LRRTM4: variants seen among roughly 807,000 people sequenced by gnomAD.
LRRTM4 encodes leucine-rich repeat transmembrane neuronal protein 4.
Under a neutral mutation model 47.6 loss-of-function variants are expected in LRRTM4, and 25 were observed. The ratio of observed to expected loss-of-function variants is 0.53; its 90% confidence interval spans 0.38 to 0.73. LRRTM4 has a LOEUF of 0.73. Among genes scored for constraint, LRRTM4 ranks in the 30% least tolerant of loss-of-function variants. The pLI is 0.00. For synonymous variants in LRRTM4, 311 were observed against 269.5 expected (o/e 1.15, Z -1.51); for missense variants, 638 against 713.4 (o/e 0.89, Z 1.20).
chr2:77,016,153 CAAG>C (rs1247116410), intron 3 of LRRTM4, among the ~76,000 whole-genome samples: 1 of 151,626 alleles, frequency 6.6e-6, no homozygotes, highest in Non-Finnish European at 1.5e-5. Flanking sequence ...TTTGGGAGGC[CAAG>C]GAGGGCAGAT....
chr2:76,851,558 AGAAATCATG>A (rs146374609), intron 3 of LRRTM4, among the ~76,000 whole-genome samples: 2,453 of 152,222 alleles, frequency 0.016, 98 homozygotes, highest in East Asian at 0.16. Context: ...GCACAGGCTT[AGAAATCATG>A]GAGACTATTC....
At chr2:76,902,669 C>T (rs62170287) in intron 3 of LRRTM4, among the ~76,000 whole-genome samples, 21,978 of 152,156 alleles carry the variant, frequency 0.14, 2,007 homozygotes, top group Admixed American at 0.22. Context: ...GTATTGTGTA[C>T]ATTAGTAAAT....
At position 77,167,206 on chromosome 2, in the gene LRRTM4, C is replaced by T. The variant is rs150977693; in HGVS notation, c.1551+351112G>A. ...GCTAACAGACTCATGAAAAAATGCT[C>T]ATCATCACCGGCCATCAGACAAATG... On this transcript the variant is annotated intron_variant, in intron 3 of 3. Coordinates refer to ENST00000409884, the MANE Select transcript of LRRTM4 (RefSeq NM_001134745.3). 8.5e-4 allele frequency among the ~76,000 whole-genome samples: 130 copies of T among 152,298 alleles called. 1 individual carries two copies. The highest frequency in any genetic ancestry group is 2.6e-3 in the African/African-American group (109 of 41,572).
intron 3 of LRRTM4, among the ~76,000 whole-genome samples, chr2:77,328,328 AC>A (rs1670854447): frequency 6.6e-6 from 1 of 152,164 alleles, no homozygotes; most frequent in Admixed American, 6.5e-5. Flanking sequence ...AGTCATAGCA[AC>A]CTTGCCAGCT....
intron 3 of LRRTM4, among the ~76,000 whole-genome samples, chr2:77,388,215 G>T (rs184942785): frequency 6.6e-6 from 1 of 151,712 alleles, no homozygotes; most frequent in African/African-American, 2.4e-5. Context: ...TAGGTTCTAC[G>T]TGTGGAGAAG....
intron 3 of LRRTM4, among the ~76,000 whole-genome samples, chr2:76,826,493 T>C (rs1671194825): frequency 1.3e-5 from 2 of 151,154 alleles, no homozygotes; most frequent in African/African-American, 2.4e-5. Flanking sequence ...ATTTGGAAAG[T>C]AGGAGAATCA....
At chr2:77,008,385 A>G (rs770239993) in intron 3 of LRRTM4, among the ~76,000 whole-genome samples, 9 of 152,172 alleles carry the variant, frequency 5.9e-5, no homozygotes, top group Non-Finnish European at 1.3e-4. Flanking sequence ...AATCATGGAG[A>G]TATCACAGAA....
chr2:76,907,998 C>G (rs1489927449), intron 3 of LRRTM4, among the ~76,000 whole-genome samples: 3 of 151,560 alleles, frequency 2.0e-5, no homozygotes, highest in African/African-American at 7.3e-5. Context: ...TTTTATGAGG[C>G]CAGCATCATC....
intron 3 of LRRTM4, among the ~76,000 whole-genome samples, chr2:77,235,835 C>A (rs1242874561): frequency 6.6e-6 from 1 of 152,000 alleles, no homozygotes; most frequent in Non-Finnish European, 1.5e-5. Flanking sequence ...AGGCGTGCAG[C>A]TTTATTTCTG....
At chr2:76,981,316 A>G (rs1022270592) in intron 3 of LRRTM4, among the ~76,000 whole-genome samples, 1 of 152,074 alleles carries the variant, frequency 6.6e-6, no homozygotes, top group African/African-American at 2.4e-5. Flanking sequence ...ACTATCTCTC[A>G]CTCAGAAATC....
intron 3 of LRRTM4, among the ~76,000 whole-genome samples, chr2:77,247,645 C>T (rs1675483917): frequency 1.3e-5 from 2 of 152,044 alleles, no homozygotes; most frequent in African/African-American, 4.8e-5. Context: ...CCACAGCTCC[C>T]TGTGCTCATT....
intron 3 of LRRTM4, among the ~76,000 whole-genome samples, chr2:76,773,818 T>G (rs6730015): frequency 0.36 from 53,917 of 151,154 alleles, 10,645 homozygotes; most frequent in African/African-American, 0.51. Context: ...TTTTTTTTTT[T>G]ACCATGTAGA....
chr2:77,063,236 G>A (rs974473655), intron 3 of LRRTM4, among the ~76,000 whole-genome samples: 3 of 152,098 alleles, frequency 2.0e-5, no homozygotes, highest in Non-Finnish European at 4.4e-5. Flanking sequence ...GGGATTATAG[G>A]CGTGAGCCAC....
chr2:77,346,545 T>G (rs973639349), intron 3 of LRRTM4, among the ~76,000 whole-genome samples: 1 of 152,178 alleles, frequency 6.6e-6, no homozygotes, highest in African/African-American at 2.4e-5. Context: ...ATTCATATAT[T>G]CATATAACTG....
intron 3 of LRRTM4, among the ~76,000 whole-genome samples, chr2:77,181,490 C>A (rs1436049627): frequency 6.6e-6 from 1 of 152,048 alleles, no homozygotes; most frequent in Non-Finnish European, 1.5e-5. Flanking sequence ...GACACTGGTA[C>A]CCTTAGGAAA....
At chr2:76,874,136 C>T (rs1351939260) in intron 3 of LRRTM4, among the ~76,000 whole-genome samples, 1 of 150,942 alleles carries the variant, frequency 6.6e-6, no homozygotes, top group Admixed American at 6.6e-5. Flanking sequence ...GGAACATTTG[C>T]GTTAGAATTT....
At chr2:77,251,964 T>C (rs1217801474) in intron 3 of LRRTM4, among the ~76,000 whole-genome samples, 1 of 152,192 alleles carries the variant, frequency 6.6e-6, no homozygotes, top group African/African-American at 2.4e-5. Context: ...CTCAGAAGCA[T>C]GAATATGTTA....
chr2:77,490,426 T>TA (rs914300737), intron 3 of LRRTM4, among the ~76,000 whole-genome samples: 21 of 151,610 alleles, frequency 1.4e-4, no homozygotes, highest in African/African-American at 2.7e-4. Flanking sequence ...AAGCTAAATG[T>TA]AAAAAAAATC....
At chr2:77,186,796 G>A (rs974760944) in intron 3 of LRRTM4, among the ~76,000 whole-genome samples, 1 of 151,890 alleles carries the variant, frequency 6.6e-6, no homozygotes, top group Non-Finnish European at 1.5e-5. Context: ...GTCCAGCTAA[G>A]AGTTGAGAGA....
Sources: allele counts gnomAD v4.1 joint callset (sites outside exome capture counted in the v4.1 genomes callset), GRCh38; gene constraint gnomAD v4.1.1; transcripts MANE v1.5; gene names NCBI Gene and HGNC (gene_info 2026-07-23, HGNC 2026-07-21).